The following SGCZ variants were observed in gnomAD, a reference collection of about 807,000 sequenced individuals.
SGCZ encodes the protein sarcoglycan zeta.
In SGCZ, 40 loss-of-function variants were observed where a neutral mutation model predicts 41.3. That is an observed-to-expected ratio of 0.97 (90% CI 0.75 to 1.26). SGCZ has a LOEUF of 1.26. Ranked by LOEUF, SGCZ falls within the 50% of genes most tolerant of loss-of-function variation. The pLI is 0.00. For synonymous variants in SGCZ, 206 were observed against 137.5 expected (o/e 1.50, Z -3.49); for missense variants, 552 against 369.8 (o/e 1.49, Z -4.04).
At chr8:14,211,401 G>A (rs1418192027) in intron 4 of SGCZ, among the ~76,000 whole-genome samples, 1 of 152,238 alleles carries the variant, frequency 6.6e-6, no homozygotes, top group South Asian at 2.1e-4. Context: ...CTCCACTTAT[G>A]ATGTCCCAGC....
intron 4 of SGCZ, among the ~76,000 whole-genome samples, chr8:14,212,333 C>T (rs984511580): frequency 6.6e-6 from 1 of 152,080 alleles, no homozygotes; most frequent in Non-Finnish European, 1.5e-5. Context: ...TCTCCAACGC[C>T]TTACCCATAG....
chr8:14,941,076 A>G (rs1329200478), intron 1 of SGCZ, among the ~76,000 whole-genome samples: 1 of 152,146 alleles, frequency 6.6e-6, no homozygotes, highest in Non-Finnish European at 1.5e-5. Flanking sequence ...TTTACCTAGC[A>G]TTAGGCAAAG....
intron 3 of SGCZ, among the ~76,000 whole-genome samples, chr8:14,245,492 C>A (rs1027695333): frequency 5.3e-5 from 8 of 152,108 alleles, no homozygotes; most frequent in African/African-American, 1.9e-4. Context: ...CATAAATACC[C>A]TAGAAGAAAA....
chr8:14,917,348 T>G (rs1001964106), intron 1 of SGCZ, among the ~76,000 whole-genome samples: 16 of 152,140 alleles, frequency 1.1e-4, no homozygotes, highest in African/African-American at 3.6e-4. Flanking sequence ...ATTACTCTTT[T>G]TATTTATTCA....
chr8:14,834,406 A>G (rs62493316), intron 1 of SGCZ, among the ~76,000 whole-genome samples: 3 of 152,186 alleles, frequency 2.0e-5, no homozygotes, highest in Non-Finnish European at 1.5e-5. Context: ...ATCAATTTTT[A>G]AGCCAAACAA....
intron 1 of SGCZ, among the ~76,000 whole-genome samples, chr8:14,978,007 A>G (rs1801537063): frequency 6.6e-6 from 1 of 152,070 alleles, no homozygotes; most frequent in African/African-American, 2.4e-5. Context: ...ATGTCATGCT[A>G]TCATCTTTTG....
At chr8:14,387,262 G>A (rs149411052) in intron 2 of SGCZ, among the ~76,000 whole-genome samples, 4 of 152,262 alleles carry the variant, frequency 2.6e-5, no homozygotes, top group Non-Finnish European at 5.9e-5. Context: ...CTGTTGCCCA[G>A]ACTGGCCTCG....
At chr8:14,797,362 C>A (rs1454728307) in intron 1 of SGCZ, among the ~76,000 whole-genome samples, 3 of 152,076 alleles carry the variant, frequency 2.0e-5, no homozygotes, top group Non-Finnish European at 2.9e-5. Flanking sequence ...AGACGAGGAA[C>A]TTGTTGGTAA....
chr8:14,853,927 TTTCA>T (rs1803443340), intron 1 of SGCZ, among the ~76,000 whole-genome samples: 1 of 150,860 alleles, frequency 6.6e-6, no homozygotes, highest in African/African-American at 2.4e-5. Flanking sequence ...AATACACACC[TTTCA>T]AGGATCTTTC....
chr8:14,260,382 C>G (rs1327509537), intron 3 of SGCZ, among the ~76,000 whole-genome samples: 2 of 145,960 alleles, frequency 1.4e-5, no homozygotes, highest in Non-Finnish European at 3.1e-5. Context: ...AAATACAAAT[C>G]AAAACCACAA....
chr8:14,899,498 A>T (rs1232411058), intron 1 of SGCZ, among the ~76,000 whole-genome samples: 1 of 152,212 alleles, frequency 6.6e-6, no homozygotes. Flanking sequence ...AACTTTGAAC[A>T]TGAGTAGCCA....
intron 1 of SGCZ, among the ~76,000 whole-genome samples, chr8:14,926,348 A>G (rs995114952): frequency 1.1e-4 from 16 of 152,230 alleles, no homozygotes; most frequent in African/African-American, 3.6e-4. Context: ...TTATTAAACT[A>G]AACTATGTTG....
chr8:14,654,108 CAT>C (rs571752982), intron 1 of SGCZ, among the ~76,000 whole-genome samples: 6 of 150,862 alleles, frequency 4.0e-5, no homozygotes, highest in African/African-American at 9.7e-5. Flanking sequence ...ATAACTTTTG[CAT>C]ATATATATAT....
chr8:14,242,559 T>C (rs1004574699), intron 3 of SGCZ, among the ~76,000 whole-genome samples: 1 of 152,180 alleles, frequency 6.6e-6, no homozygotes, highest in Non-Finnish European at 1.5e-5. Context: ...AAGGATTAAA[T>C]GAGACAACAT....
At chr8:15,172,539 C>G (rs116531275) in intron 1 of SGCZ, among the ~76,000 whole-genome samples, 2,566 of 152,184 alleles carry the variant, frequency 0.017, 65 homozygotes, top group African/African-American at 0.058. Context: ...TTTAACCATT[C>G]TAAGTCTCAG....
rs181423693 is a variant in SGCZ at position 14,682,278 on chromosome 8, A to G, written c.40-127352T>C. Reference sequence around the variant, plus strand: ...ACTATAGAAAATATTTCATTTTTGAATATAAGATTATACTTTGAGTATGAA... The same window carrying G: ...ACTATAGAAAATATTTCATTTTTGAGTATAAGATTATACTTTGAGTATGAA... On this transcript the variant is annotated intron_variant, in intron 1 of 7. Transcript: ENST00000382080. 1.4e-3 allele frequency among the ~76,000 whole-genome samples: 220 copies of G among 152,312 alleles called. 2 individuals carry two copies. Among genetic ancestry groups the G allele is most frequent in the East Asian group, 0.011 (57 of 5,176 alleles).
At chr8:15,049,425 G>C (rs1324216785) in intron 1 of SGCZ, among the ~76,000 whole-genome samples, 1 of 152,138 alleles carries the variant, frequency 6.6e-6, no homozygotes, top group Admixed American at 6.6e-5. Flanking sequence ...GAAGTCTGTA[G>C]ACAATGGAAA....
chr8:14,240,729 A>G (rs547397805), intron 3 of SGCZ, among the ~76,000 whole-genome samples: 3 of 152,330 alleles, frequency 2.0e-5, no homozygotes, highest in South Asian at 4.1e-4. Flanking sequence ...TGATGCCTGT[A>G]GGATCATCAC....
intron 2 of SGCZ, among the ~76,000 whole-genome samples, chr8:14,388,400 GA>G (rs981471027): frequency 6.6e-6 from 1 of 151,762 alleles, no homozygotes; most frequent in African/African-American, 2.4e-5. Flanking sequence ...CTATAAGAAT[GA>G]AAAAAAGAGA....
Sources: allele counts gnomAD v4.1 joint callset (sites outside exome capture counted in the v4.1 genomes callset), GRCh38; gene constraint gnomAD v4.1.1; transcripts MANE v1.5; gene names NCBI Gene and HGNC (gene_info 2026-07-23, HGNC 2026-07-21).